DLGAP2: variants seen among roughly 807,000 people sequenced by gnomAD.
The protein encoded by DLGAP2 is DLG associated protein 2.
A neutral mutation model predicts 100.3 loss-of-function variants in DLGAP2; 26 were observed. That is an observed-to-expected ratio of 0.26 (90% CI 0.19 to 0.36). The LOEUF (loss-of-function observed/expected upper bound fraction) is 0.36, where lower values mean the gene tolerates loss of function less well. Among genes scored for constraint, DLGAP2 ranks in the 10% least tolerant of loss-of-function variants. DLGAP2 has a pLI of 1.00. For synonymous variants in DLGAP2, 886 were observed against 630.1 expected, an observed-to-expected ratio of 1.41 and a Z score of -6.08; for missense variants, 1,858 against 1,453.2, an observed-to-expected ratio of 1.28 and a Z score of -4.53.
At chr8:1,324,864 G>A (rs146445803) in intron 3 of DLGAP2, among the ~76,000 whole-genome samples, 55 of 152,248 alleles carry the variant, frequency 3.6e-4, no homozygotes, top group African/African-American at 9.6e-4. Context: ...TTGTTTTCTT[G>A]CTGCAGAGAG....
chr8:1,193,745 G>T (rs1186682782), intron 2 of DLGAP2, among the ~76,000 whole-genome samples: 1 of 151,954 alleles, frequency 6.6e-6, no homozygotes, highest in Admixed American at 6.6e-5. Flanking sequence ...CGGGTTGGGG[G>T]TCCTGTGGAG....
At chr8:887,281 G>C (rs182334783) in intron 1 of DLGAP2, among the ~76,000 whole-genome samples, 9 of 151,890 alleles carry the variant, frequency 5.9e-5, no homozygotes, top group Non-Finnish European at 1.3e-4. Flanking sequence ...ATGTAAGATG[G>C]GTCTCCTGAA....
At chr8:1,352,817 G>A (rs1801766116) in intron 3 of DLGAP2, among the ~76,000 whole-genome samples, 1 of 152,146 alleles carries the variant, frequency 6.6e-6, no homozygotes, top group Admixed American at 6.5e-5. Flanking sequence ...CCCAAGGTCT[G>A]CTCATCCCAT....
At chr8:1,148,386 A>G (rs7822264) in intron 2 of DLGAP2, among the ~76,000 whole-genome samples, 65,559 of 151,626 alleles carry the variant, frequency 0.43, 15,588 homozygotes, top group Non-Finnish European at 0.55. Context: ...CAATATTACT[A>G]GTCTTTTAAA....
chr8:1,548,088 A>G (rs922718534), intron 4 of DLGAP2, among the ~76,000 whole-genome samples: 3 of 152,148 alleles, frequency 2.0e-5, no homozygotes, highest in African/African-American at 7.2e-5. Context: ...TGTTCAATCT[A>G]CTAGATGCTA....
At chr8:1,431,369 G>A (rs559543060) in intron 3 of DLGAP2, among the ~76,000 whole-genome samples, 1 of 152,216 alleles carries the variant, frequency 6.6e-6, no homozygotes, top group Non-Finnish European at 1.5e-5. Flanking sequence ...TGTGCTCCTT[G>A]ACTGCACGTC....
intron 4 of DLGAP2, among the ~76,000 whole-genome samples, chr8:1,542,588 G>C (rs1319635767): frequency 6.6e-6 from 1 of 152,160 alleles, no homozygotes; most frequent in Non-Finnish European, 1.5e-5. Flanking sequence ...GGTTTTAATT[G>C]CTGAAAACAT....
chr8:1,132,761 C>T (rs1442675071), intron 2 of DLGAP2, among the ~76,000 whole-genome samples: 2 of 152,214 alleles, frequency 1.3e-5, no homozygotes, highest in Non-Finnish European at 2.9e-5. Context: ...CAGGCAACAT[C>T]ATAAATCAAC....
intron 3 of DLGAP2, among the ~76,000 whole-genome samples, chr8:1,432,301 T>C (rs2129999074): frequency 6.6e-6 from 1 of 152,370 alleles, no homozygotes; most frequent in Admixed American, 6.5e-5. Context: ...AGCTGCCAAA[T>C]TTAATCTGAG....
intron 2 of DLGAP2, among the ~76,000 whole-genome samples, chr8:996,791 G>A (rs1316610885): frequency 6.6e-6 from 1 of 152,186 alleles, no homozygotes; most frequent in Non-Finnish European, 1.5e-5. Flanking sequence ...AATCATAAGT[G>A]TGAGTTAATA....
At chr8:1,590,679 G>A (rs953527330) in intron 6 of DLGAP2, among the ~76,000 whole-genome samples, 1 of 152,194 alleles carries the variant, frequency 6.6e-6, no homozygotes, top group East Asian at 1.9e-4. Context: ...AACTGAGTTT[G>A]TAGTTCTAAG....
intron 3 of DLGAP2, among the ~76,000 whole-genome samples, chr8:1,348,154 T>A (rs1190195800): frequency 6.6e-6 from 1 of 152,050 alleles, no homozygotes; most frequent in African/African-American, 2.4e-5. Context: ...CATACAGAGC[T>A]ACAGTGCACT....
chr8:1,273,108 A>C (rs73170404), intron 3 of DLGAP2, among the ~76,000 whole-genome samples: 4,290 of 152,300 alleles, frequency 0.028, 85 homozygotes, highest in African/African-American at 0.058. Context: ...TCTTATGATA[A>C]AAATGAGTAA....
chr8:1,366,840 T>G (rs1286331087), intron 3 of DLGAP2, among the ~76,000 whole-genome samples: 1 of 152,188 alleles, frequency 6.6e-6, no homozygotes, highest in East Asian at 1.9e-4. Flanking sequence ...AGTGAGTTAC[T>G]GAGAGATGCA....
At chr8:1,449,832 T>TGAGGCGGAGCTGTGAGGGTGAAGACGAG (rs1563156248) in intron 3 of DLGAP2, among the ~76,000 whole-genome samples, 1 of 139,590 alleles carries the variant, frequency 7.2e-6, no homozygotes. Context: ...CCTCGGTGGC[T>TGAGGCGGAGCTGTGAGGGTGAAGACGAG]GTGACTGTAG....
chr8:1,260,955 C>T (rs1357066361), intron 3 of DLGAP2, among the ~76,000 whole-genome samples: 2 of 152,212 alleles, frequency 1.3e-5, no homozygotes, highest in African/African-American at 4.8e-5. Flanking sequence ...TTCCCCTGGG[C>T]ACCTGCCTTT....
At chr8:1,640,722 A>G (rs1797877647) in intron 8 of DLGAP2, among the ~76,000 whole-genome samples, 2 of 152,172 alleles carry the variant, frequency 1.3e-5, no homozygotes, top group Admixed American at 1.3e-4. Flanking sequence ...CACAGCACCA[A>G]GACCGTCAAA....
At chr8:844,066 TCTA>T (rs1209752599) in intron 1 of DLGAP2, among the ~76,000 whole-genome samples, 1 of 152,238 alleles carries the variant, frequency 6.6e-6, no homozygotes, top group African/African-American at 2.4e-5. Context: ...TATGGAGTGC[TCTA>T]CTAATTTTTT....
At chr8:1,241,685 T>A (rs1002703738) in intron 2 of DLGAP2, among the ~76,000 whole-genome samples, 5 of 152,212 alleles carry the variant, frequency 3.3e-5, no homozygotes. Flanking sequence ...CTGTATAATT[T>A]TAATTTTTCA....
Sources: allele counts gnomAD v4.1 joint callset (sites outside exome capture counted in the v4.1 genomes callset), GRCh38; gene constraint gnomAD v4.1.1; transcripts MANE v1.5; gene names NCBI Gene and HGNC (gene_info 2026-07-23, HGNC 2026-07-21).